The following SAP130 variants were observed in gnomAD, a reference collection of about 807,000 sequenced individuals.
SAP130 encodes the protein Sin3A associated protein 130, also known as histone deacetylase complex subunit SAP130.
A neutral mutation model predicts 103.2 loss-of-function variants in SAP130; 16 were observed. The ratio of observed to expected loss-of-function variants is 0.16; its 90% CI spans 0.10 to 0.24. The LOEUF (loss-of-function observed/expected upper bound fraction) is 0.24, where lower values mean the gene tolerates loss of function less well. Ranked by LOEUF, SAP130 falls within the 10% of genes least tolerant of loss-of-function variation. The pLI is 1.00. For synonymous variants in SAP130, 477 were observed against 497.0 expected, an observed-to-expected ratio of 0.96 and a Z score of 0.53; for missense variants, 990 against 1,359.7, an observed-to-expected ratio of 0.73 and a Z score of 4.28.
intron 15 of SAP130, among the ~76,000 whole-genome samples, chr2:127,962,008 A>G (rs1680293127): frequency 1.3e-5 from 2 of 152,234 alleles, no homozygotes; most frequent in South Asian, 4.1e-4. Flanking sequence ...CACCTCTGTC[A>G]TCTGATATAT....
intron 3 of SAP130, 29 bp downstream of exon 3, chr2:128,017,651 C>T (rs776506030): frequency 9.6e-6 from 15 of 1,569,614 alleles, no homozygotes; most frequent in Non-Finnish European, 6.1e-6. Context: ...AGCTCTGGTT[C>T]AGTGTGAAGT....
chr2:128,014,960 G>T, intron 4 of SAP130, 46 bp from the exon 5 acceptor site: 2 of 1,522,804 alleles, frequency 1.3e-6, no homozygotes, highest in Non-Finnish European at 1.8e-6. Context: ...TTTGCTCTTA[G>T]CCATTGCCTC....
intron 6 of SAP130, among the ~76,000 whole-genome samples, chr2:128,012,016 G>A (rs898340543): frequency 2.0e-5 from 3 of 152,124 alleles, no homozygotes; most frequent in Non-Finnish European, 2.9e-5. Flanking sequence ...GTTTCACCAT[G>A]TTGCCCAAGG....
chr2:127,976,934 C>G (rs1321548961), intron 15 of SAP130, among the ~76,000 whole-genome samples: 1 of 151,974 alleles, frequency 6.6e-6, no homozygotes, highest in Admixed American at 6.6e-5. Context: ...ATCTATCAAT[C>G]TATCTACATG....
At position 127,994,334 on chromosome 2, in the gene SAP130, C is replaced by T. The variant is rs147380405; in HGVS notation, c.1356-1026G>A. Among the ~76,000 whole-genome samples, 559 of 152,246 alleles carry T rather than the reference C, an allele frequency of 3.7e-3. 4 individuals are homozygous for T. The highest frequency in any genetic ancestry group is 0.013 in the African/African-American group (520 of 41,546). Reference sequence around the variant, plus strand: ...TCATTTGAGCTCAGGAGTTCGAGACCAGCCTGAGCACTCTGGGAGGCTGAG... The same window carrying T: ...TCATTTGAGCTCAGGAGTTCGAGACTAGCCTGAGCACTCTGGGAGGCTGAG... On this transcript the variant is annotated intron_variant, in intron 11 of 20. Transcript: ENST00000643581.
chr2:128,017,182 C>T (rs776286702), intron 3 of SAP130, among the ~76,000 whole-genome samples: 2 of 152,186 alleles, frequency 1.3e-5, no homozygotes, highest in Admixed American at 6.5e-5. Context: ...ATTAGCCAGG[C>T]GTAGTGACGT....
intron 10 of SAP130, among the ~76,000 whole-genome samples, chr2:127,999,465 A>C (rs1683394843): frequency 6.6e-6 from 1 of 152,106 alleles, no homozygotes; most frequent in Admixed American, 6.5e-5. Context: ...TTAGCCAGGC[A>C]TGGTGGCATG....
In SAP130 at chr2:127,989,994, T is replaced by A. The variant is rs184513741; in HGVS notation, c.1478-128A>T. The A allele has an allele frequency of 3.0e-3, 2,453 of 816,978 alleles. 12 individuals carry two copies. The highest frequency in any genetic ancestry group is 0.016 in the African/African-American group (909 of 57,574). The allele number at this position is 816,978 out of a possible 1,614,324, so 50.6% of individuals were successfully genotyped here. On this transcript the variant is annotated intron_variant, in intron 12 of 20. Transcript: ENST00000643581. The surrounding 1 kb of genome is among the most constrained non-coding windows in gnomAD (Gnocchi z 4.6). ...TCTAAATCCATGGTTTGAAAAAAAA[T>A]AAATAAATAAACATTGTTACTTGAA...
intron 7 of SAP130, among the ~76,000 whole-genome samples, chr2:128,005,139 GAAC>G (rs746356045): frequency 6.6e-5 from 10 of 152,124 alleles, no homozygotes; most frequent in African/African-American, 1.4e-4. Context: ...AATGATGAGA[GAAC>G]AACAGAAGAA....
chr2:127,963,239 C>A (rs535453881), intron 15 of SAP130, among the ~76,000 whole-genome samples: 55 of 152,174 alleles, frequency 3.6e-4, no homozygotes, highest in Middle Eastern at 3.4e-3. Context: ...ATTTCTCTCT[C>A]TCTTATTAAA....
intron 10 of SAP130, among the ~76,000 whole-genome samples, chr2:127,997,578 C>G (rs1683258193): frequency 6.6e-6 from 1 of 152,182 alleles, no homozygotes; most frequent in East Asian, 1.9e-4. Context: ...AAGATCGCAT[C>G]TATTGGCCAA....
chr2:127,963,646 T>C (rs1377245222), intron 15 of SAP130, among the ~76,000 whole-genome samples: 3 of 152,188 alleles, frequency 2.0e-5, no homozygotes, highest in Admixed American at 6.5e-5. Context: ...CCATGATTCC[T>C]ATGTGTTACG....
chr2:127,968,971 C>T lies in SAP130; in HGVS notation c.2063+9014G>A, dbSNP rs542060267. 2.4e-4 allele frequency among the ~76,000 whole-genome samples: 36 copies of T among 152,334 alleles called. No homozygotes were observed. In the South Asian group the frequency reaches 5.8e-3, roughly 25 times the overall value. ...ACATGAGGACTCATGACAGAGACTA[C>T]GCGACTCACAAAACCTAAAATAACT... On this transcript the variant is annotated intron_variant, in intron 15 of 20. Coordinates refer to ENST00000643581, the MANE Select transcript of SAP130 (RefSeq NM_001330301.2).
rs1311674867 is a variant in SAP130 at position 128,027,941 on chromosome 2, T to G, written c.-8A>C. ...CCCGGGCGCCCGTCCCGCCATTACCTGGGTGCTGCGCCCAGTGGCCGCCGC... is the reference window on the plus strand; with the variant it reads ...CCCGGGCGCCCGTCCCGCCATTACCGGGGTGCTGCGCCCAGTGGCCGCCGC... On this transcript the variant is annotated splice_region_variant and 5_prime_UTR_variant, in exon 1 of 21. Coordinates refer to ENST00000643581, the MANE Select transcript of SAP130 (RefSeq NM_001330301.2). The G allele has an allele frequency of 2.0e-6, 2 of 984,354 alleles. No homozygotes were observed. The highest frequency in any genetic ancestry group is 1.2e-6 in the Non-Finnish European group (1 of 829,844). The allele number at this position is 984,354 out of a possible 1,614,324, so 61.0% of individuals were successfully genotyped here.
Position 127,942,206 on chromosome 2 carries a change from G to A in SAP130, c.3016-42C>T. ...TGCATCATCAATCAGTGACCATGAG[G>A]ATAGTACAGCTTTTAAAAAACTGCT... On this transcript the variant is annotated intron_variant, in intron 20 of 20. Transcript: ENST00000643581. The surrounding 1 kb of genome is among the most constrained non-coding windows in gnomAD (Gnocchi z 4.8). 1.3e-6 allele frequency: 2 copies of A among 1,541,738 alleles called. No homozygotes were observed. The highest frequency in any genetic ancestry group is 2.5e-5 in the South Asian group (2 of 81,164).
chr2:127,978,296 AAG>A (rs1297758665), intron 14 of SAP130, among the ~76,000 whole-genome samples: 1 of 152,112 alleles, frequency 6.6e-6, no homozygotes, highest in African/African-American at 2.4e-5. Context: ...TAAAAAAAAA[AAG>A]AGCAGGTCCC....
intron 18 of SAP130, among the ~76,000 whole-genome samples, chr2:127,948,122 C>T (rs1252275384): frequency 6.6e-6 from 1 of 151,854 alleles, no homozygotes; most frequent in Admixed American, 6.6e-5. Context: ...TACTGTCAAT[C>T]TACCTATGCC....
chr2:128,014,798 G>A lies in SAP130; in HGVS notation c.619+5C>T, dbSNP rs201598222. On this transcript the variant is annotated splice_donor_5th_base_variant and intron_variant, in intron 5 of 20. Coordinates refer to ENST00000643581, the MANE Select transcript of SAP130 (RefSeq NM_001330301.2). ...AGAGTTTGAACAAAACTTGCAAGTC[G>A]TTACCTCGAGGTAAATGAGAAGCTC... 5.0e-4 allele frequency: 804 copies of A among 1,602,902 alleles called. 6 individuals are homozygous for A. In the South Asian group the frequency reaches 6.5e-3, roughly 13 times the overall value.
At chr2:128,013,479 C>T (rs905497837) in intron 5 of SAP130, among the ~76,000 whole-genome samples, 2 of 152,142 alleles carry the variant, frequency 1.3e-5, no homozygotes, top group Non-Finnish European at 2.9e-5. Context: ...GGACACTTTG[C>T]CTTCCAGTCT....
Sources: gnomAD v4.1 joint callset for allele counts (sites outside exome capture counted in the v4.1 genomes callset) on GRCh38, gnomAD v4.1.1 for gene constraint, Gnocchi (gnomAD v3.1) non-coding constraint, MANE v1.5 for transcripts, NCBI Gene and HGNC (gene_info 2026-07-23, HGNC 2026-07-21) for gene names.